Variants in ULK4 observed in about 807,000 individuals in gnomAD.
ULK4 encodes unc-51 like kinase 4, also known as inactive serine/threonine-protein kinase ULK4.
ULK4 carries 133 observed loss-of-function variants against 160.6 expected under a neutral mutation model. That is an observed-to-expected ratio of 0.83 (90% CI 0.72 to 0.96). ULK4 has a LOEUF of 0.96. ULK4 is among the 40% of genes least tolerant of loss of function. ULK4 has a pLI of 0.00. For synonymous variants in ULK4, 534 were observed against 539.8 expected, an observed-to-expected ratio of 0.99 and a Z score of 0.15; for missense variants, 1,580 against 1,499.5, an observed-to-expected ratio of 1.05 and a Z score of -0.89.
chr3:41,613,562 T>C (rs1207260076), intron 31 of ULK4, among the ~76,000 whole-genome samples: 1 of 152,120 alleles, frequency 6.6e-6, no homozygotes, highest in Non-Finnish European at 1.5e-5. Flanking sequence ...CACTGTATTA[T>C]ATCTAGCTTG....
rs574625577 is a variant in ULK4 at position 41,758,727 on chromosome 3, A to G, written c.2194-4239T>C. Among the ~76,000 whole-genome samples, 1,046 of 152,100 alleles carry G rather than the reference A, an allele frequency of 6.9e-3. 13 individuals carry two copies. The highest frequency in any genetic ancestry group is 0.023 in the African/African-American group (969 of 41,508). ...TCTCTACCAAAAATACAAAAAATTAACAGGGCGCAGTGGCGGGTGCCTGTA... is the reference window on the plus strand; with the variant it reads ...TCTCTACCAAAAATACAAAAAATTAGCAGGGCGCAGTGGCGGGTGCCTGTA... On this transcript the variant is annotated intron_variant, in intron 21 of 36. Coordinates refer to ENST00000301831, the MANE Select transcript of ULK4 (RefSeq NM_017886.4).
intron 35 of ULK4, among the ~76,000 whole-genome samples, chr3:41,307,199 G>T (rs892957020): frequency 6.6e-6 from 1 of 150,610 alleles, no homozygotes; most frequent in Admixed American, 6.6e-5. Flanking sequence ...GAGTGAAGGT[G>T]CAGCAGCAGA....
At chr3:41,797,224 G>A (rs1045391080) in intron 20 of ULK4, among the ~76,000 whole-genome samples, 2 of 151,620 alleles carry the variant, frequency 1.3e-5, no homozygotes, top group South Asian at 2.1e-4. Context: ...AAAGGGTTAC[G>A]AAAAGCAAAA....
chr3:41,668,222 A>T (rs2035413457), intron 29 of ULK4, among the ~76,000 whole-genome samples: 1 of 152,112 alleles, frequency 6.6e-6, no homozygotes, highest in African/African-American at 2.4e-5. Flanking sequence ...TAATCAGCAA[A>T]CTTTAGGGTT....
At chr3:41,300,264 GAACT>G (rs1032870477) in intron 35 of ULK4, among the ~76,000 whole-genome samples, 7 of 152,144 alleles carry the variant, frequency 4.6e-5, no homozygotes, top group African/African-American at 1.7e-4. Flanking sequence ...AAACTGCAAA[GAACT>G]AACTAAGGAA....
At chr3:41,766,271 GA>G (rs1444138701) in intron 21 of ULK4, among the ~76,000 whole-genome samples, 2 of 151,898 alleles carry the variant, frequency 1.3e-5, no homozygotes, top group South Asian at 2.1e-4. Context: ...CTGTCTCAAA[GA>G]AAAAAATCCA....
intron 29 of ULK4, among the ~76,000 whole-genome samples, chr3:41,678,177 T>TACACAC (rs752843326): frequency 0.011 from 1,295 of 123,100 alleles, 9 homozygotes; most frequent in East Asian, 0.021. Flanking sequence ...CTTTATTTCA[T>TACACAC]ACACACACAC....
chr3:41,526,402 T>C (rs2086118543), intron 32 of ULK4, among the ~76,000 whole-genome samples: 1 of 152,196 alleles, frequency 6.6e-6, no homozygotes, highest in Admixed American at 6.6e-5. Context: ...AAGAGACCCA[T>C]GTGGCCACAG....
intron 22 of ULK4, among the ~76,000 whole-genome samples, chr3:41,722,417 T>TC (rs2037503506): frequency 1.3e-5 from 2 of 151,926 alleles, no homozygotes; most frequent in Admixed American, 6.6e-5. Flanking sequence ...TCACCTGAGG[T>TC]CAGGAGTTCG....
chr3:41,397,023 T>C (rs1034049372), intron 35 of ULK4, among the ~76,000 whole-genome samples: 5 of 152,140 alleles, frequency 3.3e-5, no homozygotes, highest in African/African-American at 1.2e-4. Flanking sequence ...GCAAGTCATT[T>C]TGAGTACATC....
chr3:41,883,544 A>T (rs1288401511), intron 17 of ULK4, among the ~76,000 whole-genome samples: 4 of 152,270 alleles, frequency 2.6e-5, no homozygotes, highest in Non-Finnish European at 4.4e-5. Flanking sequence ...ATTGTAAGCT[A>T]TGCTTTAACT....
At chr3:41,900,662 T>G in intron 13 of ULK4, 63 bp downstream of exon 13, 1 of 1,249,436 alleles carries the variant, frequency 8.0e-7, no homozygotes, top group Non-Finnish European at 1.1e-6. Context: ...TGAATGAAAA[T>G]CTCATGCAGA....
At chr3:41,380,100 C>T (rs766191753) in intron 35 of ULK4, among the ~76,000 whole-genome samples, 31 of 152,076 alleles carry the variant, frequency 2.0e-4, no homozygotes, top group Non-Finnish European at 4.1e-4. Flanking sequence ...AGAAAAATTA[C>T]ACCAAAGTCT....
intron 31 of ULK4, among the ~76,000 whole-genome samples, chr3:41,592,540 C>T (rs764478643): frequency 2.6e-4 from 40 of 152,002 alleles, no homozygotes; most frequent in Admixed American, 1.4e-3. Context: ...AAACACCACC[C>T]GTTCCTCAAT....
chr3:41,792,364 T>C (rs1256261200), intron 20 of ULK4, among the ~76,000 whole-genome samples: 2 of 152,190 alleles, frequency 1.3e-5, no homozygotes, highest in African/African-American at 4.8e-5. Context: ...TTGCTGTTTA[T>C]GAAATCAAAC....
chr3:41,367,687 CATCT>C (rs1162436513), intron 35 of ULK4, among the ~76,000 whole-genome samples: 8 of 152,166 alleles, frequency 5.3e-5, no homozygotes, highest in Non-Finnish European at 1.0e-4. Flanking sequence ...TCAAATTAGG[CATCT>C]ATTATTGATA....
At chr3:41,817,066 CTGTGTGTGTG>C (rs55996693) in intron 19 of ULK4, among the ~76,000 whole-genome samples, 34 of 148,970 alleles carry the variant, frequency 2.3e-4, no homozygotes, top group African/African-American at 7.8e-4. Flanking sequence ...TGTGGGGAAA[CTGTGTGTGTG>C]TGTGTGTGTG....
rs117104880 is a variant in ULK4, at chr3:41,625,428, T to C, written c.3072-9711A>G. Among the ~76,000 whole-genome samples the C allele has an allele frequency of 4.1e-4, 62 of 152,300 alleles. 1 individual carries two copies. In the East Asian group the frequency reaches 0.01, roughly 25 times the overall value. ...TCCTCTCACACAAGCATAGGTCCAA[T>C]TGGTGGAGACAGTGATCAAACCCCA... On this transcript the variant is annotated intron_variant, in intron 30 of 36. Transcript: ENST00000301831.
chr3:41,742,139 T>G (rs1292506776), intron 22 of ULK4, among the ~76,000 whole-genome samples: 2 of 150,202 alleles, frequency 1.3e-5, no homozygotes, highest in East Asian at 1.9e-4. Flanking sequence ...CCATGGGAAT[T>G]TTATCTTCTA....
Sources: gnomAD v4.1 joint callset for allele counts (sites outside exome capture counted in the v4.1 genomes callset) on GRCh38, gnomAD v4.1.1 for gene constraint, MANE v1.5 for transcripts, NCBI Gene and HGNC (gene_info 2026-07-23, HGNC 2026-07-21) for gene names.